ERICH3: variants seen among roughly 807,000 people sequenced by gnomAD.
The protein encoded by ERICH3 is glutamate-rich protein 3.
A neutral mutation model predicts 131.1 loss-of-function variants in ERICH3; 126 were observed. The ratio of observed to expected loss-of-function variants is 0.96; its 90% CI spans 0.83 to 1.11. ERICH3 has a LOEUF of 1.11. Among genes scored for constraint, ERICH3 ranks in the 50% most tolerant of loss-of-function variants. The pLI, the probability that ERICH3 is intolerant of heterozygous loss-of-function variation, is 0.00. For missense variants in ERICH3, 2,050 were observed against 1,810.7 expected (o/e 1.13, Z -2.40); for synonymous variants, 695 against 644.6 (o/e 1.08, Z -1.18).
At chr1:74,625,683 T>A (rs1475032709) in intron 7 of ERICH3, 2 of 152,190 alleles carry the variant, frequency 1.3e-5, no homozygotes, top group African/African-American at 4.8e-5. Context: ...CTTGGTAACC[T>A]CAGGACCTAG....
In ERICH3 at chr1:74,616,255, G is replaced by A. The variant is rs1648959383; in HGVS notation, c.1001-3446C>T. 6.6e-5 allele frequency among the ~76,000 whole-genome samples: 10 copies of A among 151,996 alleles called. No individual in the cohort carries two copies. The South Asian group carries it at 2.1e-3, about 32-fold the overall frequency. ...GGCTGGTCTTGAACTCCTGACCTTA[G>A]GCAGTCTGCCCGTCTTGGCCTCCCA... is the stretch of plus-strand genomic sequence containing the variant. On this transcript the variant is annotated intron_variant, in intron 8 of 14. Transcript: ENST00000326665.
chr1:74,619,212 C>T (rs1217468577), intron 8 of ERICH3, among the ~76,000 whole-genome samples: 5 of 152,180 alleles, frequency 3.3e-5, no homozygotes, highest in Admixed American at 3.3e-4. Flanking sequence ...TTCCCATAAC[C>T]TTTGGTTTTT....
In ERICH3 at chr1:74,643,099, C is replaced by T; in HGVS notation, c.244-1G>A. 3 of 1,608,208 alleles carry T rather than the reference C, an allele frequency of 1.9e-6. No homozygotes were observed. The highest frequency in any genetic ancestry group is 2.5e-6 in the Non-Finnish European group (3 of 1,176,522). On this transcript the variant is annotated splice_acceptor_variant, in intron 3 of 14. Coordinates refer to ENST00000326665, the MANE Select transcript of ERICH3 (RefSeq NM_001002912.5). LOFTEE classifies it high-confidence loss of function. Reference sequence around the variant, plus strand: ...TTTTTATTTCAAGCTGATGGTAACGCTAAGCATACAGGAAAGAATAAAGGA... The same window carrying T: ...TTTTTATTTCAAGCTGATGGTAACGTTAAGCATACAGGAAAGAATAAAGGA...
chr1:74,667,154 G>A (rs1646700055), intron 1 of ERICH3, among the ~76,000 whole-genome samples: 1 of 151,870 alleles, frequency 6.6e-6, no homozygotes, highest in Non-Finnish European at 1.5e-5. Context: ...TGATGCCAAG[G>A]TCTTTATTTC....
intron 3 of ERICH3, among the ~76,000 whole-genome samples, chr1:74,643,989 CT>C (rs746501686): frequency 6.6e-6 from 1 of 152,016 alleles, no homozygotes; most frequent in Non-Finnish European, 1.5e-5. Context: ...CTTTTTTATG[CT>C]TTTCCCCCCA....
At chr1:74,588,005 A>G (rs963173469) in intron 12 of ERICH3, among the ~76,000 whole-genome samples, 1 of 152,220 alleles carries the variant, frequency 6.6e-6, no homozygotes, top group Admixed American at 6.5e-5. Context: ...ATTTAAAAAT[A>G]CAAAAATCAT....
chr1:74,642,068 C>T (rs1646442491), intron 4 of ERICH3, among the ~76,000 whole-genome samples: 1 of 152,066 alleles, frequency 6.6e-6, no homozygotes, highest in African/African-American at 2.4e-5. Context: ...TCTCCATCAA[C>T]ATTTCAGCAG....
chr1:74,665,393 T>A (rs1190574741), intron 1 of ERICH3, among the ~76,000 whole-genome samples: 1 of 152,158 alleles, frequency 6.6e-6, no homozygotes, highest in African/African-American at 2.4e-5. Context: ...GACCCCCATA[T>A]GTTATCAATC....
At chr1:74,648,991 G>A (rs1180732503) in intron 2 of ERICH3, among the ~76,000 whole-genome samples, 1 of 152,130 alleles carries the variant, frequency 6.6e-6, no homozygotes, top group Non-Finnish European at 1.5e-5. Context: ...CTGTTGGAAA[G>A]TCTCAGGACC....
chr1:74,648,188 C>T (rs1355322380), intron 2 of ERICH3, among the ~76,000 whole-genome samples: 1 of 152,090 alleles, frequency 6.6e-6, no homozygotes, highest in Non-Finnish European at 1.5e-5. Context: ...AACCAGTGTT[C>T]AGTAAGTGCT....
At chr1:74,607,756 G>T (rs1395166100) in intron 9 of ERICH3, among the ~76,000 whole-genome samples, 6 of 151,820 alleles carry the variant, frequency 4.0e-5, no homozygotes, top group African/African-American at 1.5e-4. Context: ...TATAACAAAA[G>T]TAATATGAAT....
At position 74,572,793 on chromosome 1, in the gene ERICH3, C is replaced by A. The variant is rs200414564; in HGVS notation, c.2917G>T (p.Ala973Ser). 5.9e-5 allele frequency: 96 copies of A among 1,613,808 alleles called. No individual in the cohort carries two copies. Among genetic ancestry groups the A allele is most frequent in the Admixed American group, 8.3e-5 (5 of 59,984 alleles). ...ASKREDGSEE[A>S]ILGGEEPAKE... Reference sequence around the variant, plus strand: ...GCTGGTTCCTCTCCCCCAAGAATTGCCTCTTCAGAACCGTCCTCTCTCTTT... The same window carrying A: ...GCTGGTTCCTCTCCCCCAAGAATTGACTCTTCAGAACCGTCCTCTCTCTTT... Residue 973 changes from alanine (A) to serine (S), a missense_variant, in exon 14 of 15, where the codon GCA becomes TCA. Coordinates refer to ENST00000326665, the MANE Select transcript of ERICH3 (RefSeq NM_001002912.5).
chr1:74,655,508 A>C (rs889973225), intron 1 of ERICH3, among the ~76,000 whole-genome samples: 64 of 152,210 alleles, frequency 4.2e-4, no homozygotes, highest in Non-Finnish European at 4.0e-4. Flanking sequence ...TATTTCTCAC[A>C]ATGATATCTC....
chr1:74,597,658 G>A (rs985991331), intron 11 of ERICH3, among the ~76,000 whole-genome samples: 2 of 151,772 alleles, frequency 1.3e-5, no homozygotes, highest in Non-Finnish European at 2.9e-5. Context: ...TCGTATTATT[G>A]GTGTTAGCAT....
chr1:74,673,333 C>A (rs1646759014), intron 1 of ERICH3, among the ~76,000 whole-genome samples, 164 bp downstream of exon 1: 1 of 152,090 alleles, frequency 6.6e-6, no homozygotes, highest in Admixed American at 6.5e-5. Flanking sequence ...CCTGGGATTT[C>A]TGCCATCCTC....
intron 7 of ERICH3, among the ~76,000 whole-genome samples, chr1:74,628,256 A>G (rs2100619723): frequency 6.6e-6 from 1 of 152,300 alleles, no homozygotes; most frequent in South Asian, 2.1e-4. Flanking sequence ...GTAAACACTG[A>G]ATAACATCAT....
In ERICH3 at chr1:74,571,253, A is replaced by T; in HGVS notation, c.4457T>A (p.Leu1486Ter). The change falls in exon 14 of 15, where the codon TTG becomes TAG. Residue 1486 changes from leucine (L) to a stop codon, truncating the protein, a stop_gained. Coordinates refer to ENST00000326665, the MANE Select transcript of ERICH3 (RefSeq NM_001002912.5). LOFTEE classifies it high-confidence loss of function. ...LGLSREGERE[L>*]SPESLQAMAT... ...CATCGCCTGTAGACTCTCCGGACTC[A>T]ATTCCCTCTCTCCCTCCCGTGATAA... 6.2e-7 allele frequency: 1 copy of T among 1,613,808 alleles called. No individual in the cohort carries two copies. Among genetic ancestry groups the T allele is most frequent in the East Asian group, 2.2e-5 (1 of 44,850 alleles).
At chr1:74,604,246 A>G (rs1352443377) in intron 10 of ERICH3, among the ~76,000 whole-genome samples, 2 of 151,794 alleles carry the variant, frequency 1.3e-5, no homozygotes, top group African/African-American at 4.8e-5. Flanking sequence ...CAAAAATTCA[A>G]TCTCATCTTA....
At chr1:74,621,572 A>T (rs1649222731) in intron 7 of ERICH3, 1 of 152,218 alleles carries the variant, frequency 6.6e-6, no homozygotes, top group Non-Finnish European at 1.5e-5. Context: ...TATTGTTTAT[A>T]GTATCAAAAC....
Sources: allele counts gnomAD v4.1 joint callset (sites outside exome capture counted in the v4.1 genomes callset), GRCh38; gene constraint gnomAD v4.1.1; transcripts MANE v1.5; gene names NCBI Gene and HGNC (gene_info 2026-07-23, HGNC 2026-07-21).